The following MAP3K14 variants were observed in gnomAD, a reference collection of about 807,000 sequenced individuals.
MAP3K14 encodes the protein mitogen-activated protein kinase kinase kinase 14, also known as NF-kappa-beta-inducing kinase.
A neutral mutation model predicts 99.2 loss-of-function variants in MAP3K14; 16 were observed. That is an observed-to-expected ratio of 0.16 (90% CI 0.11 to 0.24). The LOEUF is 0.24. Ranked by LOEUF, MAP3K14 falls within the 10% of genes least tolerant of loss-of-function variation. The pLI, the probability that MAP3K14 is intolerant of heterozygous loss-of-function variation, is 1.00. For synonymous variants in MAP3K14, 462 were observed against 492.4 expected, an observed-to-expected ratio of 0.94 and a Z score of 0.82; for missense variants, 784 against 1,208.7, an observed-to-expected ratio of 0.65 and a Z score of 5.21.
intron 6 of MAP3K14, among the ~76,000 whole-genome samples, chr17:45,284,316 G>A (rs1308975875): frequency 1.3e-5 from 2 of 152,218 alleles, no homozygotes; most frequent in Non-Finnish European, 2.9e-5. Flanking sequence ...CTGTCTTGCA[G>A]GACTGTGGCA....
Position 45,267,158 on chromosome 17 carries a change from C to T in MAP3K14, c.2367G>A (p.Glu789=), listed in dbSNP as rs867203970. Reference sequence around the variant, plus strand: ...GGCACGAGAGAATTTGCTCCTGCTCCTCCAGAGAAAATGGCTGGGACAGGC... The same window carrying T: ...GGCACGAGAGAATTTGCTCCTGCTCTTCCAGAGAAAATGGCTGGGACAGGC... The part of the protein sequence containing the change: ...LNSLSQPFSL[E]EQEQILSCLS... The change falls in exon 13 of 16, where the codon GAG becomes GAA. Residue 789 remains glutamate (E), a synonymous_variant. Coordinates refer to ENST00000344686, the MANE Select transcript of MAP3K14 (RefSeq NM_003954.5). This position sits in a 1 kb window ranked among gnomAD's most constrained non-coding sequence, Gnocchi z 5.1. The T allele has an allele frequency of 5.0e-6, 8 of 1,602,626 alleles. No homozygotes were observed. In the Middle Eastern group the frequency reaches 5.0e-4, roughly 99 times the overall value.
intron 1 of MAP3K14, among the ~76,000 whole-genome samples, chr17:45,300,557 G>T (rs1430445882): frequency 6.6e-6 from 1 of 152,038 alleles, no homozygotes; most frequent in Non-Finnish European, 1.5e-5. Flanking sequence ...CTGTTGTGTG[G>T]GCCACCCCAT....
At chr17:45,283,744 C>T (rs904998678) in intron 6 of MAP3K14, among the ~76,000 whole-genome samples, 17 of 152,108 alleles carry the variant, frequency 1.1e-4, no homozygotes, top group African/African-American at 1.9e-4. Context: ...GCTTTTCTTT[C>T]GGGGATTGGA....
Position 45,267,217 on chromosome 17 carries a change from G to A in MAP3K14, c.2327-19C>T. 6.5e-7 allele frequency: 1 copy of A among 1,540,868 alleles called. No homozygotes were observed. The highest frequency in any genetic ancestry group is 8.8e-7 in the Non-Finnish European group (1 of 1,130,542). ...AATAATTCTGCAGGGAAAAGTGGAA[G>A]ATGGCTGTGAAAGACTGGGAGGAGG... On this transcript the variant is annotated intron_variant, in intron 12 of 15. Transcript: ENST00000344686. This position sits in a 1 kb window ranked among gnomAD's most constrained non-coding sequence, Gnocchi z 5.1.
At chr17:45,288,617 C>G (rs1338271075) in intron 3 of MAP3K14, among the ~76,000 whole-genome samples, 1 of 152,078 alleles carries the variant, frequency 6.6e-6, no homozygotes, top group Non-Finnish European at 1.5e-5. Context: ...ACCTCGTGAT[C>G]CACCTGCCTC....
intron 6 of MAP3K14, among the ~76,000 whole-genome samples, chr17:45,276,076 C>T (rs747154213): frequency 6.6e-6 from 1 of 151,802 alleles, no homozygotes; most frequent in Non-Finnish European, 1.5e-5. Context: ...ACTTTTCTTT[C>T]CCGGAGGACT....
At chr17:45,300,710 C>A (rs920569123) in intron 1 of MAP3K14, among the ~76,000 whole-genome samples, 1 of 152,144 alleles carries the variant, frequency 6.6e-6, no homozygotes, top group Non-Finnish European at 1.5e-5. Context: ...GGTCCTGACA[C>A]CCCCACTCCC....
chr17:45,282,740 A>G (rs1455673509), intron 6 of MAP3K14, among the ~76,000 whole-genome samples: 1 of 152,058 alleles, frequency 6.6e-6, no homozygotes, highest in Middle Eastern at 3.2e-3. Flanking sequence ...GGGGGCACAG[A>G]CTTGCTCTGA....
At chr17:45,276,728 G>T (rs1214332573) in intron 6 of MAP3K14, among the ~76,000 whole-genome samples, 1 of 151,436 alleles carries the variant, frequency 6.6e-6, no homozygotes, top group Admixed American at 6.6e-5. Flanking sequence ...GGTCAGGCTG[G>T]TCTTAAACTC....
chr17:45,286,482 G>A lies in MAP3K14; in HGVS notation c.1101C>T (p.Ser367=). 6.2e-7 allele frequency: 1 copy of A among 1,603,558 alleles called. No homozygotes were observed. Among genetic ancestry groups the A allele is most frequent in the Non-Finnish European group, 8.5e-7 (1 of 1,174,582 alleles). The change falls in exon 5 of 16, where the codon TCC becomes TCT. Residue 367 remains serine, a synonymous_variant. Transcript: ENST00000344686. This position sits in a 1 kb window ranked among gnomAD's most constrained non-coding sequence, Gnocchi z 4.1. ...AKTWAARGSR[S]REPSPKTEDN... ...CCTCAGTTTTGGGGCTGGGCTCCCG[G>A]GATCTGGAGCCCCTTGCTGCCCAGG...
intron 2 of MAP3K14, among the ~76,000 whole-genome samples, 164 bp downstream of exon 2, chr17:45,290,326 C>A (rs573448465): frequency 3.5e-4 from 53 of 152,182 alleles, no homozygotes; most frequent in Non-Finnish European, 6.6e-4. Flanking sequence ...ACTTTTACAA[C>A]CCCACTTTCC....
intron 6 of MAP3K14, among the ~76,000 whole-genome samples, chr17:45,282,554 CAAAA>C (rs11452454): frequency 1.6e-5 from 2 of 123,672 alleles, no homozygotes; most frequent in Non-Finnish European, 1.7e-5. Flanking sequence ...GATCCTGTCT[CAAAA>C]AAAAAAAAAA....
At chr17:45,300,038 G>A (rs1035051242) in intron 1 of MAP3K14, among the ~76,000 whole-genome samples, 25 of 152,072 alleles carry the variant, frequency 1.6e-4, no homozygotes, top group Admixed American at 2.6e-4. Flanking sequence ...GCAGTGAGCC[G>A]AGATCGCGCC....
chr17:45,285,655 A>G (rs2044258383), intron 5 of MAP3K14, among the ~76,000 whole-genome samples: 1 of 151,866 alleles, frequency 6.6e-6, no homozygotes. Flanking sequence ...AAATTAAAAA[A>G]TTAAAAAGTG....
At chr17:45,291,563 T>A (rs2044311363) in intron 1 of MAP3K14, among the ~76,000 whole-genome samples, 1 of 152,140 alleles carries the variant, frequency 6.6e-6, no homozygotes, top group African/African-American at 2.4e-5. Flanking sequence ...AGAATTCACG[T>A]CTCTCTGGGT....
At chr17:45,303,432 G>A (rs2143857875) in intron 1 of MAP3K14, among the ~76,000 whole-genome samples, 1 of 152,148 alleles carries the variant, frequency 6.6e-6, no homozygotes, top group South Asian at 2.1e-4. Flanking sequence ...GTGGTGGTGG[G>A]CACCTGTAAT....
intron 6 of MAP3K14, among the ~76,000 whole-genome samples, chr17:45,277,302 C>T (rs563538294): frequency 5.9e-5 from 9 of 152,282 alleles, no homozygotes; most frequent in African/African-American, 1.4e-4. Context: ...ATTCCTCCCC[C>T]CTCCCCGCTT....
In MAP3K14 at chr17:45,287,964, C is replaced by T. The variant is rs11574816; in HGVS notation, c.327-600G>A. On this transcript the variant is annotated intron_variant, in intron 3 of 15. Transcript: ENST00000344686. ...GGAGCCTGCCCTTCTCTGCTGGCCT[C>T]GGGGCTCATCACTGCCATGGCTCTA... Among the ~76,000 whole-genome samples, 1,356 of 152,302 alleles carry T rather than the reference C, an allele frequency of 8.9e-3. 23 individuals carry two copies. The highest frequency in any genetic ancestry group is 0.03 in the African/African-American group (1,266 of 41,568).
intron 15 of MAP3K14, 38 bp from the exon 16 acceptor site, chr17:45,264,838 A>G: frequency 6.2e-7 from 1 of 1,601,412 alleles, no homozygotes; most frequent in Non-Finnish European, 8.5e-7. Flanking sequence ...AGATCATGGC[A>G]TAGGGCTCAA....
Sources: gnomAD v4.1 joint callset for allele counts (sites outside exome capture counted in the v4.1 genomes callset) on GRCh38, gnomAD v4.1.1 for gene constraint, Gnocchi (gnomAD v3.1) non-coding constraint, MANE v1.5 for transcripts, NCBI Gene and HGNC (gene_info 2026-07-23, HGNC 2026-07-21) for gene names.